Variants in CCDC187 observed in about 807,000 individuals in gnomAD.
CCDC187 encodes the protein coiled-coil domain-containing protein 187.
A neutral mutation model predicts 38.0 loss-of-function variants in CCDC187; 32 were observed. That is an observed-to-expected ratio of 0.84 (90% confidence interval 0.64 to 1.13). The LOEUF (loss-of-function observed/expected upper bound fraction) is 1.13, where lower values mean the gene tolerates loss of function less well. Among genes scored for constraint, CCDC187 ranks in the 50% most tolerant of loss-of-function variants. CCDC187 has a pLI of 0.00. For synonymous variants in CCDC187, 333 were observed against 347.9 expected (o/e 0.96, Z 0.48); for missense variants, 707 against 786.8 (o/e 0.90, Z 1.21).
rs1339971372 is a variant in CCDC187 at position 136,255,099 on chromosome 9, T to C, written c.4729A>G (p.Ile1577Val). The C allele has an allele frequency of 2.6e-5, 26 of 985,200 alleles. No homozygotes were observed. The highest frequency in any genetic ancestry group is 6.2e-5 in the Admixed American group (1 of 16,250). The allele number at this position is 985,200 out of a possible 1,614,324, so 61.0% of individuals were successfully genotyped here. Reference protein sequence around the residue: ...PVVPEEAAPPILHQGSPLLPT... With the variant: ...PVVPEEAAPPVLHQGSPLLPT... ...AGAAGGGGACTGCCCTGGTGCAGGA[T>C]TGGGGGCGCCGCCTCCTCAGGGACC... Residue 1577 changes from isoleucine (I) to valine (V), a missense_variant, in exon 26 of 26, where the codon ATC becomes GTC. Transcript: ENST00000638797.
intron 14 of CCDC187, among the ~76,000 whole-genome samples, chr9:136,271,367 A>T (rs542843717): frequency 6.6e-6 from 1 of 151,842 alleles, no homozygotes; most frequent in Non-Finnish European, 1.5e-5. Context: ...ACAAAAATAC[A>T]AAAATTAGCC....
Position 136,286,187 on chromosome 9 carries a change from G to A in CCDC187, c.2731C>T (p.Pro911Ser), listed in dbSNP as rs1831175218. ...WVSMQPQPLL[P>S]PTYFLDGETL... ...TCGCCGTCCAGGAAGTAGGTCGGGG[G>A]CAGAAGGGGCTGGGGCTGCATGCTC... Residue 911 changes from proline (P) to serine (S), a missense_variant, in exon 8 of 26, where the codon CCC (proline) becomes TCC (serine). By Grantham distance (74) the Pro-to-Ser change is moderately conservative. Transcript: ENST00000638797. 2 of 398,486 alleles carry A rather than the reference G, an allele frequency of 5.0e-6. No homozygotes were observed. The highest frequency in any genetic ancestry group is 4.4e-5 in the Admixed American group (1 of 22,718). 24.7% of individuals were successfully genotyped at this position (398,486 alleles called of 1,614,324 possible).
chr9:136,282,764 AC>A (rs1831076410), intron 9 of CCDC187, among the ~76,000 whole-genome samples: 1 of 151,988 alleles, frequency 6.6e-6, no homozygotes, highest in Admixed American at 6.5e-5. Context: ...CCACCTCCCA[AC>A]CCCCGCCCGC....
chr9:136,292,715 G>A (rs1160440408), intron 4 of CCDC187, among the ~76,000 whole-genome samples: 3 of 152,206 alleles, frequency 2.0e-5, no homozygotes, highest in South Asian at 2.1e-4. Flanking sequence ...CCTCCGCTCC[G>A]TGCTGCACAT....
Position 136,291,323 on chromosome 9 carries a change from C to G in CCDC187, c.1290G>C (p.Met430Ile). The change falls in exon 6 of 26, where the codon ATG becomes ATC. Residue 430 changes from methionine (M) to isoleucine (I), a missense_variant. Physicochemically the swap from Met to Ile is conservative, Grantham distance 10. Transcript: ENST00000638797. ...QSSFSKSPWA[M>I]TERKHSSLER... Reference sequence around the variant, plus strand: ...CTAAAGAGGAATGCTTCCTCTCTGTCATGGCCCAGGGACTCTTAGAGAAGG... The same window carrying G: ...CTAAAGAGGAATGCTTCCTCTCTGTGATGGCCCAGGGACTCTTAGAGAAGG... The G allele has an allele frequency of 2.5e-6, 1 of 398,774 alleles. No homozygotes were observed. Among genetic ancestry groups the G allele is most frequent in the East Asian group, 3.6e-5 (1 of 28,076 alleles). The allele number at this position is 398,774 out of a possible 1,614,324, so 24.7% of individuals were successfully genotyped here.
rs1318491840 is a variant in CCDC187 at position 136,257,598 on chromosome 9, G to A, written c.4367-757C>T. ...AAAGGGGGACAAAGGGACGGGTGGG[G>A]CCACCGCAGAGCCCTCCCCAGGAGC... On this transcript the variant is annotated intron_variant, in intron 22 of 25. Transcript: ENST00000638797. The surrounding 1 kb of genome is among the most constrained non-coding windows in gnomAD (Gnocchi z 4.5). Among the ~76,000 whole-genome samples the A allele has an allele frequency of 6.6e-6, 1 of 152,138 alleles. No homozygotes were observed. The highest frequency in any genetic ancestry group is 2.4e-5 in the African/African-American group (1 of 41,438).
chr9:136,261,179 C>T (rs781794553), intron 19 of CCDC187, among the ~76,000 whole-genome samples: 4 of 152,144 alleles, frequency 2.6e-5, no homozygotes, highest in Non-Finnish European at 5.9e-5. Context: ...CTCATAGACA[C>T]ACCCCGACCC....
At chr9:136,277,794 G>A (rs1438692682) in intron 10 of CCDC187, among the ~76,000 whole-genome samples, 1 of 152,158 alleles carries the variant, frequency 6.6e-6, no homozygotes, top group Non-Finnish European at 1.5e-5. Context: ...CCCTCGTGAT[G>A]GCTTGTGGAT....
chr9:136,287,321 G>T (rs1831205461), intron 7 of CCDC187, among the ~76,000 whole-genome samples: 1 of 152,130 alleles, frequency 6.6e-6, no homozygotes, highest in African/African-American at 2.4e-5. Flanking sequence ...AATGAGCCTG[G>T]CCGGTCTTAA....
At chr9:136,282,562 C>T (rs1831071069) in intron 9 of CCDC187, among the ~76,000 whole-genome samples, 1 of 152,196 alleles carries the variant, frequency 6.6e-6, no homozygotes, top group Non-Finnish European at 1.5e-5. Flanking sequence ...ATCAGGGCCC[C>T]CATCTGTGCT....
Position 136,290,392 on chromosome 9 carries a change from T to G in CCDC187, c.2127+94A>C, listed in dbSNP as rs1001777350. ...CTGCAGCCCTCGCCCGGCCACTCCC[T>G]GGAGGACACCAGGGGGCTGGAGGCA... is the stretch of plus-strand genomic sequence containing the variant. On this transcript the variant is annotated intron_variant, in intron 6 of 25. Transcript: ENST00000638797. 1,167 of 397,932 alleles carry G rather than the reference T, an allele frequency of 2.9e-3. 3 individuals are homozygous for G. Among genetic ancestry groups the G allele is most frequent in the Non-Finnish European group, 3.7e-3 (845 of 226,036 alleles). The allele number at this position is 397,932 out of a possible 1,614,324, so 24.7% of individuals were successfully genotyped here.
intron 4 of CCDC187, among the ~76,000 whole-genome samples, chr9:136,293,528 C>T (rs888415923): frequency 4.2e-5 from 6 of 142,696 alleles, no homozygotes; most frequent in Admixed American, 6.9e-5. Context: ...CTCACATACA[C>T]GCTTACACAC....
chr9:136,261,872 C>G (rs1554761022), intron 19 of CCDC187, among the ~76,000 whole-genome samples: 1 of 152,240 alleles, frequency 6.6e-6, no homozygotes, highest in Non-Finnish European at 1.5e-5. Flanking sequence ...CTCGGCCCTC[C>G]AGGGCCATTT....
intron 10 of CCDC187, among the ~76,000 whole-genome samples, chr9:136,277,809 G>A (rs1199166927): frequency 4.6e-5 from 7 of 152,138 alleles, no homozygotes; most frequent in African/African-American, 1.4e-4. Context: ...GTGGATGAGC[G>A]CCTTGGTCAC....
rs1344889384 is a variant in CCDC187 at position 136,300,204 on chromosome 9, C to T, written c.724+16G>A. ...CCAACCCGGAGCACCAGGGCAGCCG[C>T]CGCAGAGCCGCTCACCAGGAACCTG... On this transcript the variant is annotated intron_variant, in intron 3 of 25. Transcript: ENST00000638797. The T allele has an allele frequency of 2.5e-6, 1 of 398,702 alleles. No individual in the cohort carries two copies. The highest frequency in any genetic ancestry group is 4.4e-6 in the Non-Finnish European group (1 of 226,118). 24.7% of individuals were successfully genotyped at this position (398,702 alleles called of 1,614,324 possible).
chr9:136,259,715 C>T (rs1830658681), intron 20 of CCDC187, among the ~76,000 whole-genome samples: 1 of 152,220 alleles, frequency 6.6e-6, no homozygotes, highest in Non-Finnish European at 1.5e-5. Flanking sequence ...GCCCAATCCT[C>T]CTTCTGCCCT....
chr9:136,291,768 G>A (rs1472797560), intron 5 of CCDC187, 123 bp from the exon 6 acceptor site: 3 of 397,708 alleles, frequency 7.5e-6, no homozygotes, highest in African/African-American at 2.1e-5. Flanking sequence ...CCCCTGCTGG[G>A]CAGAAGCCCT....
intron 12 of CCDC187, 115 bp downstream of exon 12, chr9:136,276,079 A>T (rs983778286): frequency 6.6e-6 from 1 of 152,182 alleles, no homozygotes; most frequent in Non-Finnish European, 1.5e-5. Context: ...CCTCCTCTTG[A>T]CGAGGGGCAC....
In CCDC187 at chr9:136,253,223, AGCTCTGCGCTCCTTCCCAGG is replaced by A. The variant is rs1380385325; in HGVS notation, c.*351_*370del. On this transcript the variant is annotated 3_prime_UTR_variant, in exon 26 of 26. Coordinates refer to ENST00000638797, the MANE Select transcript of CCDC187 (RefSeq NM_001378188.1). ...CCACCCCGGCTCTCTGCATGCCCAG[AGCTCTGCGCTCCTTCCCAGG>A]GCTCTCCCCGACTGCCCAAGACCTC... 1 of 152,628 alleles carries A rather than the reference AGCTCTGCGCTCCTTCCCAGG, an allele frequency of 6.6e-6. No individual in the cohort carries two copies. Among genetic ancestry groups the A allele is most frequent in the Admixed American group, 6.5e-5 (1 of 15,292 alleles). 9.5% of individuals were successfully genotyped at this position (152,628 alleles called of 1,614,324 possible).
Sources: allele counts gnomAD v4.1 joint callset (sites outside exome capture counted in the v4.1 genomes callset), GRCh38; gene constraint gnomAD v4.1.1; non-coding constraint Gnocchi (gnomAD v3.1); transcripts MANE v1.5; gene names NCBI Gene and HGNC (gene_info 2026-07-23, HGNC 2026-07-21).